EYS: variants seen among roughly 807,000 people sequenced by gnomAD.
The protein encoded by EYS is EGF-like photoreceptor maintenance factor.
Under a neutral mutation model 282.1 loss-of-function variants are expected in EYS, and 250 were observed. That is an observed-to-expected ratio of 0.89 (90% CI 0.80 to 0.98). The LOEUF is 0.98. EYS is among the 50% of genes least tolerant of loss of function. The probability of loss-of-function intolerance (pLI) is 0.00; values close to 1 mark genes in which losing one functional copy is unlikely to be tolerated. For missense variants in EYS, 4,016 were observed against 3,709.0 expected, an observed-to-expected ratio of 1.08 and a Z score of -2.15; for synonymous variants, 1,355 against 1,282.9, an observed-to-expected ratio of 1.06 and a Z score of -1.20.
At chr6:64,670,471 GA>G (rs1769415793) in intron 22 of EYS, among the ~76,000 whole-genome samples, 1 of 151,224 alleles carries the variant, frequency 6.6e-6, no homozygotes, top group South Asian at 2.1e-4. Context: ...AATAGCACTA[GA>G]AAAACTACAG....
At chr6:64,792,878 T>TGTGTGTGTGTGTGTGTGTGTGTGTG in intron 22 of EYS, among the ~76,000 whole-genome samples, 2 of 57,892 alleles carry the variant, frequency 3.5e-5, no homozygotes, top group Non-Finnish European at 1.1e-4. Context: ...GTGTGTGTGT[T>TGTGTGTGTGTGTGTGTGTGTGTGTG]AGATGTAACA....
At chr6:63,740,632 A>C (rs1769051733) in intron 41 of EYS, among the ~76,000 whole-genome samples, 1 of 152,216 alleles carries the variant, frequency 6.6e-6, no homozygotes, top group African/African-American at 2.4e-5. Context: ...TTCCTAGATA[A>C]GGGATGGATC....
intron 1 of EYS, among the ~76,000 whole-genome samples, chr6:65,663,642 C>T (rs1768084564): frequency 6.6e-6 from 1 of 152,084 alleles, no homozygotes; most frequent in Non-Finnish European, 1.5e-5. Flanking sequence ...GCAAGTTAAA[C>T]TTATGTAGAT....
At chr6:65,371,903 G>A (rs1344747947) in intron 8 of EYS, among the ~76,000 whole-genome samples, 2 of 150,816 alleles carry the variant, frequency 1.3e-5, no homozygotes, top group Admixed American at 6.7e-5. Context: ...AATCCTACCC[G>A]AATGCAAATT....
chr6:64,258,835 C>G (rs1455365780), intron 30 of EYS, among the ~76,000 whole-genome samples: 1 of 151,944 alleles, frequency 6.6e-6, no homozygotes, highest in Non-Finnish European at 1.5e-5. Context: ...ACACCTAATT[C>G]AACACCCAAA....
intron 29 of EYS, among the ~76,000 whole-genome samples, chr6:64,347,357 T>TA (rs1446718835): frequency 6.6e-6 from 1 of 151,436 alleles, no homozygotes; most frequent in Non-Finnish European, 1.5e-5. Flanking sequence ...CAATTGAGGT[T>TA]ATACATTTTG....
chr6:63,889,195 A>G (rs1581938407), intron 35 of EYS, among the ~76,000 whole-genome samples: 2 of 152,328 alleles, frequency 1.3e-5, no homozygotes, highest in Admixed American at 1.3e-4. Flanking sequence ...GGGAGAAGGG[A>G]ACCAAGTTGG....
chr6:65,686,286 G>A (rs1291590976), intron 1 of EYS, among the ~76,000 whole-genome samples: 1 of 151,976 alleles, frequency 6.6e-6, no homozygotes, highest in African/African-American at 2.4e-5. Context: ...GCCCTTAATT[G>A]ATACTGATGT....
chr6:64,117,975 A>G (rs1048728611), intron 31 of EYS, among the ~76,000 whole-genome samples: 2 of 152,054 alleles, frequency 1.3e-5, no homozygotes, highest in East Asian at 1.9e-4. Flanking sequence ...CTAAGACCAA[A>G]TTTAAGCAAG....
At chr6:63,723,795 ATT>A (rs1768504387) in intron 42 of EYS, among the ~76,000 whole-genome samples, 2 of 43,696 alleles carry the variant, frequency 4.6e-5, no homozygotes, top group Non-Finnish European at 9.8e-5. Flanking sequence ...TGGCATTATT[ATT>A]ATTATTATTA....
chr6:64,728,369 C>T (rs112155807), intron 22 of EYS, among the ~76,000 whole-genome samples: 26 of 152,146 alleles, frequency 1.7e-4, no homozygotes, highest in African/African-American at 5.8e-4. Context: ...GAGTCTTGCT[C>T]TGTCGCCCAG....
At chr6:65,374,690 A>T (rs1435189028) in intron 8 of EYS, among the ~76,000 whole-genome samples, 4 of 152,018 alleles carry the variant, frequency 2.6e-5, no homozygotes. Context: ...TCTGAAGTCG[A>T]CCTGGGATCA....
intron 12 of EYS, among the ~76,000 whole-genome samples, chr6:65,195,569 TGAGA>T (rs1245735396): frequency 5.3e-5 from 8 of 152,024 alleles, no homozygotes; most frequent in African/African-American, 1.9e-4. Flanking sequence ...GAAAGTAGAT[TGAGA>T]AATTTTGAGG....
chr6:64,640,002 G>A lies in EYS; in HGVS notation c.3444-13757C>T, dbSNP rs374812417. ...ACTGGCCATCAGAGAAATGCAAATC[G>A]AAACCACAATGAGATACCATCTCAC... On this transcript the variant is annotated intron_variant, in intron 22 of 42. Coordinates refer to ENST00000503581, the MANE Select transcript of EYS (RefSeq NM_001142800.2). Among the ~76,000 whole-genome samples the A allele has an allele frequency of 3.5e-3, 485 of 137,250 alleles. 5 individuals are homozygous for A. The highest frequency in any genetic ancestry group is 3.4e-3 in the Non-Finnish European group (220 of 63,902). The allele number at this position is 137,250 out of a possible 152,430, so 90.0% of individuals were successfully genotyped here.
intron 5 of EYS, among the ~76,000 whole-genome samples, chr6:65,486,170 T>C (rs891696202): frequency 6.6e-6 from 1 of 152,234 alleles, no homozygotes; most frequent in African/African-American, 2.4e-5. Context: ...AGTCATGATA[T>C]TCACACAACT....
chr6:65,354,879 A>T (rs562486149), intron 8 of EYS, among the ~76,000 whole-genome samples: 2 of 152,234 alleles, frequency 1.3e-5, no homozygotes, highest in South Asian at 2.1e-4. Flanking sequence ...TTACCATTTA[A>T]TTATATTAAA....
At chr6:64,104,397 T>C (rs900244919) in intron 31 of EYS, among the ~76,000 whole-genome samples, 2 of 152,112 alleles carry the variant, frequency 1.3e-5, no homozygotes, top group Non-Finnish European at 2.9e-5. Flanking sequence ...TGTGTGTATG[T>C]ACATGTGCAA....
At chr6:63,908,692 C>T (rs1773844412) in intron 35 of EYS, among the ~76,000 whole-genome samples, 1 of 152,146 alleles carries the variant, frequency 6.6e-6, no homozygotes, top group Non-Finnish European at 1.5e-5. Flanking sequence ...CTCAGGTTAT[C>T]CGCCCTCCTA....
At chr6:64,615,999 T>C (rs1767262181) in intron 24 of EYS, among the ~76,000 whole-genome samples, 1 of 152,134 alleles carries the variant, frequency 6.6e-6, no homozygotes, top group African/African-American at 2.4e-5. Flanking sequence ...CAAATATTAA[T>C]AGATTCATAT....
Sources: allele counts gnomAD v4.1 joint callset (sites outside exome capture counted in the v4.1 genomes callset), GRCh38; gene constraint gnomAD v4.1.1; transcripts MANE v1.5; gene names NCBI Gene and HGNC (gene_info 2026-07-23, HGNC 2026-07-21).